The following CALCR variants were observed in gnomAD, a reference collection of about 807,000 sequenced individuals.
CALCR encodes calcitonin receptor.
CALCR carries 47 observed loss-of-function variants against 59.5 expected under a neutral mutation model. That is an observed-to-expected ratio of 0.79 (90% CI 0.63 to 1.01). The LOEUF is 1.01. CALCR is among the 50% of genes least tolerant of loss of function. The pLI is 0.00. For synonymous variants in CALCR, 213 were observed against 211.3 expected (o/e 1.01, Z -0.07); for missense variants, 566 against 597.1 (o/e 0.95, Z 0.54).
Position 93,487,053 on chromosome 7 carries a change from A to C in CALCR, c.-26-46T>G, listed in dbSNP as rs756038202. On this transcript the variant is annotated intron_variant, in intron 2 of 13. Coordinates refer to ENST00000426151, the MANE Select transcript of CALCR (RefSeq NM_001742.4). Reference sequence around the variant, plus strand: ...CAAAGACTAAAATTAATATATCTCTAATATTGGCTATGGCATTTCATTTTC... The same window carrying C: ...CAAAGACTAAAATTAATATATCTCTCATATTGGCTATGGCATTTCATTTTC... The C allele has an allele frequency of 5.2e-6, 5 of 964,448 alleles. No homozygotes were observed. In the East Asian group the frequency reaches 1.3e-4, roughly 24 times the overall value. The allele number at this position is 964,448 out of a possible 1,614,324, so 59.7% of individuals were successfully genotyped here.
chr7:93,539,133 T>C (rs1789065791), intron 2 of CALCR, among the ~76,000 whole-genome samples: 1 of 152,162 alleles, frequency 6.6e-6, no homozygotes, highest in African/African-American at 2.4e-5. Context: ...ATTCTCACTC[T>C]CCTTCTTTTT....
At chr7:93,455,472 C>A (rs1800192211) in intron 8 of CALCR, among the ~76,000 whole-genome samples, 1 of 151,532 alleles carries the variant, frequency 6.6e-6, no homozygotes, top group African/African-American at 2.4e-5. Flanking sequence ...CTAGGGAGGA[C>A]CTTAATCTAA....
At chr7:93,446,163 G>A (rs965230975) in intron 8 of CALCR, among the ~76,000 whole-genome samples, 5 of 151,970 alleles carry the variant, frequency 3.3e-5, no homozygotes, top group African/African-American at 4.8e-5. Flanking sequence ...AATGAGAATT[G>A]ACCATATTTG....
intron 2 of CALCR, among the ~76,000 whole-genome samples, chr7:93,508,224 T>C (rs1401030087): frequency 6.6e-6 from 1 of 152,136 alleles, no homozygotes; most frequent in Non-Finnish European, 1.5e-5. Flanking sequence ...ATGTATATAT[T>C]GGATATTTTA....
intron 2 of CALCR, among the ~76,000 whole-genome samples, chr7:93,534,643 T>G (rs1275258366): frequency 6.6e-6 from 1 of 151,740 alleles, no homozygotes; most frequent in Non-Finnish European, 1.5e-5. Context: ...TGAGGGAGTA[T>G]TAAACTCATA....
At chr7:93,569,569 C>T (rs1789953143) in intron 2 of CALCR, among the ~76,000 whole-genome samples, 1 of 152,100 alleles carries the variant, frequency 6.6e-6, no homozygotes, top group East Asian at 1.9e-4. Flanking sequence ...GGCTAGGCAC[C>T]CTCATGGCAT....
chr7:93,559,895 T>C (rs1331580817), intron 2 of CALCR: 1 of 152,166 alleles, frequency 6.6e-6, no homozygotes, highest in Non-Finnish European at 1.5e-5. Context: ...GCTGCAAATT[T>C]CCACCCTAAA....
intron 2 of CALCR, among the ~76,000 whole-genome samples, chr7:93,565,282 G>A (rs1789839899): frequency 6.6e-6 from 1 of 152,084 alleles, no homozygotes. Context: ...ATAATACTAA[G>A]GGTAAAATAT....
At chr7:93,446,975 G>A (rs1003153789) in intron 8 of CALCR, among the ~76,000 whole-genome samples, 16 of 151,984 alleles carry the variant, frequency 1.1e-4, no homozygotes, top group Admixed American at 2.0e-4. Flanking sequence ...AATATAAAAA[G>A]AGATAATTGC....
intron 2 of CALCR, among the ~76,000 whole-genome samples, chr7:93,542,972 T>C (rs1012535618): frequency 6.6e-6 from 1 of 152,070 alleles, no homozygotes; most frequent in Non-Finnish European, 1.5e-5. Flanking sequence ...TTTTTTTTTT[T>C]TAAGTAAGTA....
At chr7:93,501,717 C>T (rs1801325394) in intron 2 of CALCR, among the ~76,000 whole-genome samples, 1 of 152,110 alleles carries the variant, frequency 6.6e-6, no homozygotes, top group African/African-American at 2.4e-5. Context: ...CTAAAGGACG[C>T]AGTGCAGAAC....
chr7:93,482,261 T>A (rs1364117337), intron 3 of CALCR, among the ~76,000 whole-genome samples: 3 of 151,876 alleles, frequency 2.0e-5, no homozygotes, highest in Non-Finnish European at 4.4e-5. Flanking sequence ...CAAGAATGGA[T>A]CATGATGCCT....
chr7:93,568,435 T>A (rs1789915349), intron 2 of CALCR, among the ~76,000 whole-genome samples: 1 of 151,252 alleles, frequency 6.6e-6, no homozygotes, highest in South Asian at 2.1e-4. Context: ...CTCTCAATCC[T>A]TATCCCACTT....
At chr7:93,552,081 T>C (rs1417884508) in intron 2 of CALCR, among the ~76,000 whole-genome samples, 1 of 152,016 alleles carries the variant, frequency 6.6e-6, no homozygotes, top group Non-Finnish European at 1.5e-5. Context: ...GGAGGTGAAG[T>C]GATAGGAATA....
intron 2 of CALCR, among the ~76,000 whole-genome samples, chr7:93,515,656 T>C (rs1206661664): frequency 1.3e-5 from 2 of 151,964 alleles, no homozygotes; most frequent in African/African-American, 4.8e-5. Flanking sequence ...CAAAAGTAGA[T>C]TTGGATCTTA....
In CALCR at chr7:93,426,588, A is replaced by C; in HGVS notation, c.1193T>G (p.Val398Gly). The change falls in exon 14 of 14, where the codon GTC (valine) becomes GGC (glycine). Residue 398 changes from valine (V) to glycine (G), a missense_variant and splice_region_variant. By Grantham distance (109) the Val-to-Gly change is moderately radical. Transcript: ENST00000426151. ...CCATTGGCGCTTCACGGTGGTTTGGACCTGGAAGAGAAAAAGGAGCCTTGT... is the reference window on the plus strand; with the variant it reads ...CCATTGGCGCTTCACGGTGGTTTGGCCCTGGAAGAGAAAAAGGAGCCTTGT... ...ATIYCFCNNEVQTTVKRQWAQ... is the reference protein window; with the variant it reads ...ATIYCFCNNEGQTTVKRQWAQ... 1 of 1,561,204 alleles carries C rather than the reference A, an allele frequency of 6.4e-7. No homozygotes were observed. Among genetic ancestry groups the C allele is most frequent in the Non-Finnish European group, 8.8e-7 (1 of 1,141,522 alleles).
chr7:93,444,286 G>A (rs1023505645), intron 8 of CALCR, among the ~76,000 whole-genome samples: 6 of 152,060 alleles, frequency 3.9e-5, no homozygotes, highest in Non-Finnish European at 8.8e-5. Context: ...TCATATGGGA[G>A]CCTTGGTTTG....
chr7:93,548,396 TA>T (rs907859589), intron 2 of CALCR, among the ~76,000 whole-genome samples: 1 of 152,188 alleles, frequency 6.6e-6, no homozygotes, highest in Non-Finnish European at 1.5e-5. Flanking sequence ...TAGGAGGGTC[TA>T]AATAAGTTGT....
intron 2 of CALCR, among the ~76,000 whole-genome samples, chr7:93,500,738 G>C (rs2115999259): frequency 6.6e-6 from 1 of 151,966 alleles, no homozygotes; most frequent in Middle Eastern, 3.4e-3. Flanking sequence ...AGCTTGAATG[G>C]GAGCTATCCT....
Sources: gnomAD v4.1 joint callset for allele counts (sites outside exome capture counted in the v4.1 genomes callset) on GRCh38, gnomAD v4.1.1 for gene constraint, MANE v1.5 for transcripts, NCBI Gene and HGNC (gene_info 2026-07-23, HGNC 2026-07-21) for gene names.